Variants in SGSM2 observed in about 807,000 individuals in gnomAD.
The protein encoded by SGSM2 is small G protein signaling modulator 2.
SGSM2 carries 89 observed loss-of-function variants against 126.6 expected under a neutral mutation model. The ratio of observed to expected loss-of-function variants is 0.70; its 90% confidence interval spans 0.59 to 0.84. The LOEUF (loss-of-function observed/expected upper bound fraction) is 0.84. SGSM2 is among the 40% of genes least tolerant of loss of function. The probability of loss-of-function intolerance (pLI) is 0.00; values close to 1 mark genes in which losing one functional copy is unlikely to be tolerated. For synonymous variants in SGSM2, 614 were observed against 574.3 expected (o/e 1.07, Z -0.99); for missense variants, 1,404 against 1,416.6 (o/e 0.99, Z 0.14).
intron 2 of SGSM2, among the ~76,000 whole-genome samples, chr17:2,361,282 G>A (rs185980354): frequency 1.7e-3 from 253 of 152,344 alleles, no homozygotes; most frequent in African/African-American, 5.7e-3. Context: ...CCCGAGTCGG[G>A]TGTTCCTCAC....
At position 2,380,164 on chromosome 17, in the gene SGSM2, C is replaced by T. The variant is rs1283138098; in HGVS notation, c.*644C>T. The T allele has an allele frequency of 8.8e-6, 13 of 1,481,696 alleles. No individual in the cohort carries two copies. Among genetic ancestry groups the T allele is most frequent in the African/African-American group, 5.6e-5 (4 of 71,300 alleles). 91.8% of individuals were successfully genotyped at this position (1,481,696 alleles called of 1,614,324 possible). A position where few individuals can be genotyped will look rare whatever the true frequency, so the allele number is the denominator to read the frequency against. On this transcript the variant is annotated 3_prime_UTR_variant, in exon 24 of 24. Transcript: ENST00000268989. ...TCAGCAGCACTGCCACTGCCTTTGG[C>T]CACCTGAGGTGACCCCCAGGCCTCC...
chr17:2,367,366 A>G lies in SGSM2; in HGVS notation c.1384A>G (p.Ile462Val), dbSNP rs760167765. 2 of 1,613,910 alleles carry G rather than the reference A, an allele frequency of 1.2e-6. No individual in the cohort carries two copies. The highest frequency in any genetic ancestry group is 1.7e-6 in the Non-Finnish European group (2 of 1,180,006). Residue 462 changes from isoleucine (I) to valine (V), a missense_variant, in exon 12 of 24, where the codon ATC becomes GTC. Transcript: ENST00000268989. This position sits in a 1 kb window ranked among gnomAD's most constrained non-coding sequence, Gnocchi z 4.0. Reference protein sequence around the residue: ...EDKLHAMLSMICSRNLTAPNP... With the variant: ...EDKLHAMLSMVCSRNLTAPNP... ...TAAACTGCACGCGATGCTCTCAATG[A>G]TCTGCTCGCGGAACCTCACAGCTCC...
In SGSM2 at chr17:2,371,559, C is replaced by T; in HGVS notation, c.1577+144C>T. The T allele has an allele frequency of 3.1e-6, 3 of 960,314 alleles. No individual in the cohort carries two copies. In the South Asian group the frequency reaches 5.1e-5, roughly 16 times the overall value. The allele number at this position is 960,314 out of a possible 1,614,324, so 59.5% of individuals were successfully genotyped here. On this transcript the variant is annotated intron_variant, in intron 13 of 23. Transcript: ENST00000268989. ...CTGGGTTCAAATTTCACTTTTGCTA[C>T]CCACGTGACTTACAAGTTATGGAAT... is the stretch of plus-strand genomic sequence containing the variant.
In SGSM2 at chr17:2,363,670, G is replaced by A; in HGVS notation, c.807+71G>A. ...GAGACGACTGGAAGCCTCTAGCCATGGCTATTCCTTTCCTGAGGAGCTTGA... is the reference window on the plus strand; with the variant it reads ...GAGACGACTGGAAGCCTCTAGCCATAGCTATTCCTTTCCTGAGGAGCTTGA... On this transcript the variant is annotated intron_variant, in intron 7 of 23. Transcript: ENST00000268989. The surrounding 1 kb of genome is among the most constrained non-coding windows in gnomAD (Gnocchi z 4.2). 2 of 1,577,118 alleles carry A rather than the reference G, an allele frequency of 1.3e-6. No homozygotes were observed. The highest frequency in any genetic ancestry group is 2.3e-5 in the East Asian group (1 of 44,256).
At chr17:2,376,906 G>C in intron 20 of SGSM2, 53 bp from the exon 21 acceptor site, 1 of 1,600,738 alleles carries the variant, frequency 6.2e-7, no homozygotes, top group East Asian at 2.2e-5. Context: ...ATGGGAGCCG[G>C]CTCTGTCCCC....
rs773979689 is a variant in SGSM2 at position 2,375,518 on chromosome 17, A to G, written c.2127A>G (p.Glu709=). Residue 709 remains glutamate, a synonymous_variant, in exon 18 of 24, where the codon GAA becomes GAG. Transcript: ENST00000268989. ...NDVFISVDDL[E]PPEPQDPEDS... is the part of the protein sequence containing the mutation. ...TGTTTATCTCAGTGGATGATCTGGA[A>G]CCCCCGGAGCCCCAGGACCCTGAAG... is the stretch of plus-strand genomic sequence containing the variant. 6 of 1,611,202 alleles carry G rather than the reference A, an allele frequency of 3.7e-6. No homozygotes were observed. The Admixed American group carries it at 8.4e-5, about 22-fold the overall frequency.
rs1274771081 is a variant in SGSM2, at chr17:2,372,657, G to A, written c.1788+169G>A. The A allele has an allele frequency of 2.9e-6, 3 of 1,020,224 alleles. No individual in the cohort carries two copies. The highest frequency in any genetic ancestry group is 5.3e-5 in the East Asian group (2 of 37,964). 63.2% of individuals were successfully genotyped at this position (1,020,224 alleles called of 1,614,324 possible). A position where few individuals can be genotyped will look rare whatever the true frequency, so the allele number is the denominator to read the frequency against. On this transcript the variant is annotated intron_variant, in intron 15 of 23. Transcript: ENST00000268989. The surrounding 1 kb of genome is among the most constrained non-coding windows in gnomAD (Gnocchi z 6.0). ...TGCAGCTGGGCCTGGGGCTGACACG[G>A]GAAGGGGGCTGGACTGGGAAGCCGT...
intron 13 of SGSM2, chr17:2,371,936 CGAA>C (rs1170828232): frequency 2.3e-5 from 12 of 531,306 alleles, no homozygotes; most frequent in African/African-American, 3.9e-5. Context: ...CATGAGGAAA[CGAA>C]GATTCATGTA....
Position 2,372,375 on chromosome 17 carries a change from C to A in SGSM2, c.1675C>A (p.Arg559=). The A allele has an allele frequency of 6.3e-7, 1 of 1,591,014 alleles. No individual in the cohort carries two copies. Among genetic ancestry groups the A allele is most frequent in the Non-Finnish European group, 8.5e-7 (1 of 1,170,014 alleles). ...ACACTGCCGCCACCTGTCCACGGTG[C>A]GGACCCACCTGTCGGCGCTGGTGCA... ...LAHCRHLSTV[R]THLSALVHHS... The change falls in exon 15 of 24, where the codon CGG becomes AGG. Residue 559 remains arginine (R), a synonymous_variant. Coordinates refer to ENST00000268989, the MANE Select transcript of SGSM2 (RefSeq NM_014853.3). This position sits in a 1 kb window ranked among gnomAD's most constrained non-coding sequence, Gnocchi z 6.0.
At chr17:2,348,243 C>T (rs1597318799) in intron 2 of SGSM2, among the ~76,000 whole-genome samples, 1 of 152,104 alleles carries the variant, frequency 6.6e-6, no homozygotes, top group African/African-American at 2.4e-5. Flanking sequence ...TTGCAGCCAG[C>T]GATATTTCAG....
rs2065312024 is a variant in SGSM2 at position 2,361,626 on chromosome 17, T to C, written c.134-11T>C. ...TCCCAGGCTCAGATGCCGTTTCCCTTTGTGGCCTAGGTGCAGTGGAGGCTT... is the reference window on the plus strand; with the variant it reads ...TCCCAGGCTCAGATGCCGTTTCCCTCTGTGGCCTAGGTGCAGTGGAGGCTT... On this transcript the variant is annotated splice_polypyrimidine_tract_variant and intron_variant, in intron 2 of 23. Transcript: ENST00000268989. 6.2e-7 allele frequency: 1 copy of C among 1,612,882 alleles called. No individual in the cohort carries two copies.
intron 2 of SGSM2, among the ~76,000 whole-genome samples, chr17:2,353,180 C>G (rs979234105): frequency 1.3e-5 from 2 of 152,112 alleles, no homozygotes; most frequent in Admixed American, 6.5e-5. Context: ...ATCCCTGCCC[C>G]GCTCAGGTCA....
intron 2 of SGSM2, among the ~76,000 whole-genome samples, chr17:2,344,202 T>C (rs1329696298): frequency 1.3e-5 from 2 of 152,188 alleles, no homozygotes; most frequent in Admixed American, 1.3e-4. Context: ...TCCTTCTCAG[T>C]GTGGCCAAGC....
At chr17:2,344,273 A>G (rs2064497884) in intron 2 of SGSM2, among the ~76,000 whole-genome samples, 2 of 152,146 alleles carry the variant, frequency 1.3e-5, no homozygotes, top group African/African-American at 2.4e-5. Context: ...CAGCCTGAAG[A>G]CTTTTGCTTT....
At chr17:2,343,451 C>T in intron 1 of SGSM2, 94 bp from the exon 2 acceptor site, 2 of 1,281,380 alleles carry the variant, frequency 1.6e-6, no homozygotes, top group East Asian at 2.3e-5. Flanking sequence ...AAGTGCCCTT[C>T]AGACCAGAAG....
rs1288482285 is a variant in SGSM2 at position 2,371,368 on chromosome 17, C to T, written c.1530C>T (p.Ser510=). 1 of 1,611,762 alleles carries T rather than the reference C, an allele frequency of 6.2e-7. No individual in the cohort carries two copies. Among genetic ancestry groups the T allele is most frequent in the Non-Finnish European group, 8.5e-7 (1 of 1,179,462 alleles). Residue 510 remains serine, a synonymous_variant, in exon 13 of 24, where the codon AGC becomes AGT. Coordinates refer to ENST00000268989, the MANE Select transcript of SGSM2 (RefSeq NM_014853.3). ...QGSSCLSCSS[S]SSPHATPSHC... ...CCTCCTGCCTCTCCTGCTCCTCCAG[C>T]AGCTCCCCACATGCAACCCCCAGCC...
At chr17:2,348,487 G>C (rs551357161) in intron 2 of SGSM2, among the ~76,000 whole-genome samples, 4 of 152,262 alleles carry the variant, frequency 2.6e-5, no homozygotes, top group Admixed American at 2.6e-4. Flanking sequence ...AATGATCTAA[G>C]AGGAAGGAGG....
chr17:2,364,348 A>G, intron 8 of SGSM2, 165 bp downstream of exon 8: 1 of 971,642 alleles, frequency 1.0e-6, no homozygotes, highest in Non-Finnish European at 1.5e-6. Flanking sequence ...CAAGCTCTCT[A>G]GGACGGAGCC....
chr17:2,372,599 C>T lies in SGSM2; in HGVS notation c.1788+111C>T. 1.4e-6 allele frequency: 2 copies of T among 1,408,508 alleles called. No homozygotes were observed. Among genetic ancestry groups the T allele is most frequent in the Non-Finnish European group, 9.7e-7 (1 of 1,032,574 alleles). The allele number at this position is 1,408,508 out of a possible 1,614,324, so 87.3% of individuals were successfully genotyped here. A position where few individuals can be genotyped will look rare whatever the true frequency, so the allele number is the denominator to read the frequency against. On this transcript the variant is annotated intron_variant, in intron 15 of 23. Transcript: ENST00000268989. This position sits in a 1 kb window ranked among gnomAD's most constrained non-coding sequence, Gnocchi z 6.0. ...TGCGGTTGACAGGCCAGGGCCGATG[C>T]CACGGAGTGACCAGGGTCCCGGCAG...
Sources: allele counts gnomAD v4.1 joint callset (sites outside exome capture counted in the v4.1 genomes callset), GRCh38; gene constraint gnomAD v4.1.1; non-coding constraint Gnocchi (gnomAD v3.1); transcripts MANE v1.5; gene names NCBI Gene and HGNC (gene_info 2026-07-23, HGNC 2026-07-21).